The following CDH13 variants were observed in gnomAD, a reference collection of about 807,000 sequenced individuals.
CDH13 encodes cadherin-13.
Under a neutral mutation model 63.8 loss-of-function variants are expected in CDH13, and 24 were observed. The ratio of observed to expected loss-of-function variants is 0.38; its 90% CI spans 0.27 to 0.53. The LOEUF (loss-of-function observed/expected upper bound fraction) is 0.53, where lower values mean the gene tolerates loss of function less well. Among genes scored for constraint, CDH13 ranks in the 20% least tolerant of loss-of-function variants. CDH13 has a pLI of 0.85. For missense variants in CDH13, 1,049 were observed against 903.1 expected (o/e 1.16, Z -2.07); for synonymous variants, 503 against 355.3 (o/e 1.42, Z -4.67).
chr16:83,586,153 C>G (rs1906133574), intron 7 of CDH13, among the ~76,000 whole-genome samples: 1 of 148,950 alleles, frequency 6.7e-6, no homozygotes, highest in South Asian at 2.1e-4. Flanking sequence ...CCCGGATGAA[C>G]TGGCAAGCGA....
chr16:83,584,838 G>C (rs1905988672), intron 7 of CDH13, among the ~76,000 whole-genome samples: 1 of 152,214 alleles, frequency 6.6e-6, no homozygotes, highest in African/African-American at 2.4e-5. Flanking sequence ...GCCTCAGAAA[G>C]CTTACAATCA....
intron 3 of CDH13, among the ~76,000 whole-genome samples, chr16:83,107,711 G>T: frequency 6.6e-6 from 1 of 150,442 alleles, no homozygotes; most frequent in East Asian, 1.9e-4. Context: ...GAGCATTTGC[G>T]TAGTGAGTGG....
intron 13 of CDH13, among the ~76,000 whole-genome samples, chr16:83,786,451 G>A (rs532472527): frequency 1.1e-4 from 17 of 152,302 alleles, no homozygotes; most frequent in Non-Finnish European, 1.8e-4. Flanking sequence ...GGAATAGGGC[G>A]TTGGGGAATG....
chr16:82,835,407 C>T (rs779659036), intron 1 of CDH13, among the ~76,000 whole-genome samples: 3 of 152,212 alleles, frequency 2.0e-5, no homozygotes, highest in African/African-American at 4.8e-5. Context: ...AACTCCAAAG[C>T]TACCCCAATT....
At chr16:83,359,674 G>T (rs2091124836) in intron 6 of CDH13, among the ~76,000 whole-genome samples, 1 of 152,168 alleles carries the variant, frequency 6.6e-6, no homozygotes, top group Non-Finnish European at 1.5e-5. Flanking sequence ...AATTTTATTT[G>T]TGCACAGAAT....
Position 83,320,796 on chromosome 16 carries a change from A to G in CDH13, c.637-24066A>G, listed in dbSNP as rs139750081. On this transcript the variant is annotated intron_variant, in intron 5 of 13. Transcript: ENST00000567109. ...AAGCACACATCACCGTCAGCCAACA[A>G]TCAGCCACAAAGTGGAGCCCATTAG... Among the ~76,000 whole-genome samples the G allele has an allele frequency of 1.1e-3, 161 of 152,354 alleles. 1 individual carries two copies. Among genetic ancestry groups the G allele is most frequent in the African/African-American group, 3.7e-3 (153 of 41,580 alleles).
At chr16:82,883,153 A>T (rs1210027432) in intron 2 of CDH13, among the ~76,000 whole-genome samples, 2 of 152,244 alleles carry the variant, frequency 1.3e-5, no homozygotes, top group African/African-American at 4.8e-5. Context: ...AAGAGATAAG[A>T]AATGAGAGGG....
chr16:82,888,032 T>G (rs1290948433), intron 2 of CDH13, among the ~76,000 whole-genome samples: 1 of 152,190 alleles, frequency 6.6e-6, no homozygotes. Context: ...AAGGGCTGTA[T>G]GTCAGGTATT....
chr16:83,074,257 C>T (rs1192851895), intron 3 of CDH13, among the ~76,000 whole-genome samples: 1 of 152,190 alleles, frequency 6.6e-6, no homozygotes, highest in Non-Finnish European at 1.5e-5. Context: ...CTTTCTGTGT[C>T]TGGCATATTT....
intron 2 of CDH13, among the ~76,000 whole-genome samples, chr16:82,915,688 G>A (rs1041482529): frequency 2.0e-5 from 3 of 151,892 alleles, no homozygotes; most frequent in Non-Finnish European, 2.9e-5. Context: ...TGTGAAAGGG[G>A]TCCTGTGAGT....
chr16:82,784,194 G>A (rs1036041912), intron 1 of CDH13, among the ~76,000 whole-genome samples: 1 of 152,218 alleles, frequency 6.6e-6, no homozygotes, highest in African/African-American at 2.4e-5. Context: ...CTTCTATGAA[G>A]CTGCTCAGAA....
chr16:83,126,249 G>C (rs2035808219), intron 4 of CDH13, among the ~76,000 whole-genome samples: 1 of 152,202 alleles, frequency 6.6e-6, no homozygotes, highest in African/African-American at 2.4e-5. Flanking sequence ...CACTGGGAGA[G>C]CACACCAAAC....
chr16:83,408,041 C>T (rs1427420749), intron 6 of CDH13, among the ~76,000 whole-genome samples: 1 of 152,180 alleles, frequency 6.6e-6, no homozygotes, highest in African/African-American at 2.4e-5. Flanking sequence ...GGCTGTGTCT[C>T]CTCCCAGCAG....
rs924125674 is a variant in CDH13, at chr16:83,795,348, T to C, written c.*318T>C. The stretch of plus-strand genomic sequence containing the variant: ...GTGTTAACATGTCGCTAGCCAGTGC[T>C]CCAGGCACCCAGCTTTGTCTGTGGG... On this transcript the variant is annotated 3_prime_UTR_variant, in exon 14 of 14. Coordinates refer to ENST00000567109, the MANE Select transcript of CDH13 (RefSeq NM_001257.5). 8.4e-6 allele frequency: 3 copies of C among 356,806 alleles called. No individual in the cohort carries two copies. Among genetic ancestry groups the C allele is most frequent in the African/African-American group, 4.2e-5 (2 of 47,950 alleles). 22.1% of individuals were successfully genotyped at this position (356,806 alleles called of 1,614,324 possible). A position where few individuals can be genotyped will look rare whatever the true frequency, so the allele number is the denominator to read the frequency against.
intron 7 of CDH13, among the ~76,000 whole-genome samples, chr16:83,504,556 A>T (rs1391551386): frequency 6.6e-6 from 1 of 152,144 alleles, no homozygotes. Context: ...GATCTTTATG[A>T]CCTGGACTCC....
chr16:83,292,904 C>T (rs76936941), intron 5 of CDH13, among the ~76,000 whole-genome samples: 4,023 of 152,136 alleles, frequency 0.026, 175 homozygotes, highest in African/African-American at 0.091. Flanking sequence ...TTTCAGAAAA[C>T]AGCATTTTAC....
intron 2 of CDH13, among the ~76,000 whole-genome samples, chr16:83,027,417 T>C (rs1021361232): frequency 6.6e-6 from 1 of 151,772 alleles, no homozygotes; most frequent in Non-Finnish European, 1.5e-5. Flanking sequence ...TAAGCAAGAG[T>C]TAACAGGGTG....
intron 4 of CDH13, among the ~76,000 whole-genome samples, chr16:83,168,042 C>G (rs2037759174): frequency 6.6e-6 from 1 of 151,776 alleles, no homozygotes; most frequent in Non-Finnish European, 1.5e-5. Context: ...ACAGTGGGGA[C>G]TACTAGAGTG....
chr16:82,825,601 A>G (rs918915210), intron 1 of CDH13: 2 of 147,276 alleles, frequency 1.4e-5, no homozygotes, highest in Non-Finnish European at 3.0e-5. Context: ...GAGTGACTGC[A>G]GTGGCACGAT....
Sources: gnomAD v4.1 joint callset for allele counts (sites outside exome capture counted in the v4.1 genomes callset) on GRCh38, gnomAD v4.1.1 for gene constraint, MANE v1.5 for transcripts, NCBI Gene and HGNC (gene_info 2026-07-23, HGNC 2026-07-21) for gene names.